TMTC1: variants seen among roughly 807,000 people sequenced by gnomAD.
The protein encoded by TMTC1 is protein O-mannosyl-transferase TMTC1.
TMTC1 carries 73 observed loss-of-function variants against 104.8 expected under a neutral mutation model. The observed-to-expected ratio is 0.70, with a 90% CI of 0.58 to 0.85. The LOEUF (loss-of-function observed/expected upper bound fraction) is 0.85, where lower values mean the gene tolerates loss of function less well. Ranked by LOEUF, TMTC1 falls within the 40% of genes least tolerant of loss-of-function variation. TMTC1 has a pLI of 0.00. For synonymous variants in TMTC1, 434 were observed against 428.7 expected, an observed-to-expected ratio of 1.01 and a Z score of -0.15; for missense variants, 1,035 against 1,096.1, an observed-to-expected ratio of 0.94 and a Z score of 0.79.
rs112726721 is a variant in TMTC1 at position 29,574,589 on chromosome 12, C to T, written c.1419-2371G>A. On this transcript the variant is annotated intron_variant, in intron 8 of 17. Transcript: ENST00000539277. Reference sequence around the variant, plus strand: ...TTCAAGATCAAAGTTATGGCTGATTCGGTTTCTGATGAGGGTTCTCTTCCT... The same window carrying T: ...TTCAAGATCAAAGTTATGGCTGATTTGGTTTCTGATGAGGGTTCTCTTCCT... 4.4e-3 allele frequency among the ~76,000 whole-genome samples: 671 copies of T among 152,238 alleles called. 6 individuals carry two copies. The highest frequency in any genetic ancestry group is 0.015 in the African/African-American group (638 of 41,540).
intron 1 of TMTC1, among the ~76,000 whole-genome samples, chr12:29,768,446 G>A: frequency 6.6e-6 from 1 of 152,154 alleles, no homozygotes; most frequent in East Asian, 1.9e-4. Context: ...TGTTGAAAGG[G>A]AAGTCCAAAG....
chr12:29,692,159 T>C (rs1474416799), intron 5 of TMTC1, among the ~76,000 whole-genome samples: 1 of 145,644 alleles, frequency 6.9e-6, no homozygotes, highest in Non-Finnish European at 1.5e-5. Context: ...AAGAATATGC[T>C]TTGGCTTTCC....
intron 3 of TMTC1, among the ~76,000 whole-genome samples, chr12:29,758,259 T>G (rs1399749637): frequency 6.6e-6 from 1 of 152,164 alleles, no homozygotes; most frequent in Non-Finnish European, 1.5e-5. Context: ...AAATGCTACT[T>G]TATACTCAGC....
At position 29,610,434 on chromosome 12, in the gene TMTC1, T is replaced by C. The variant is rs113263574; in HGVS notation, c.1129-6135A>G. Reference sequence around the variant, plus strand: ...AATGGGGTTGAAACCAATTTCTCAATAGCTGGAGAAGAGGAAGTTTTGAAC... The same window carrying C: ...AATGGGGTTGAAACCAATTTCTCAACAGCTGGAGAAGAGGAAGTTTTGAAC... On this transcript the variant is annotated intron_variant, in intron 6 of 17. Transcript: ENST00000539277. Among the ~76,000 whole-genome samples the C allele has an allele frequency of 4.8e-3, 729 of 152,312 alleles. 6 individuals carry two copies. The highest frequency in any genetic ancestry group is 0.017 in the African/African-American group (691 of 41,578).
intron 8 of TMTC1, among the ~76,000 whole-genome samples, chr12:29,576,890 C>T (rs159688): frequency 0.79 from 119,439 of 152,020 alleles, 48,818 homozygotes; most frequent in East Asian, 0.92. Flanking sequence ...TATCAAAACA[C>T]GTTGTACACC....
intron 9 of TMTC1, among the ~76,000 whole-genome samples, chr12:29,560,470 T>C (rs573130594): frequency 9.7e-4 from 147 of 152,174 alleles, no homozygotes; most frequent in Middle Eastern, 3.4e-3. Context: ...AAAAAAGAAA[T>C]GTATGGGGCC....
intron 16 of TMTC1, among the ~76,000 whole-genome samples, chr12:29,513,126 A>G (rs545579704): frequency 1.3e-5 from 2 of 152,256 alleles, no homozygotes; most frequent in Admixed American, 6.5e-5. Context: ...CTGGATTCAA[A>G]CCCTGACACC....
intron 1 of TMTC1, among the ~76,000 whole-genome samples, chr12:29,772,640 G>A (rs537235634): frequency 1.8e-4 from 28 of 152,104 alleles, no homozygotes; most frequent in Non-Finnish European, 3.8e-4. Context: ...CTCAAAGTAG[G>A]AGGTAACACT....
intron 5 of TMTC1, among the ~76,000 whole-genome samples, chr12:29,691,356 T>A (rs1941260425): frequency 6.6e-6 from 1 of 152,018 alleles, no homozygotes; most frequent in Non-Finnish European, 1.5e-5. Flanking sequence ...CCAACCCAAC[T>A]AATCAGCACT....
intron 5 of TMTC1, among the ~76,000 whole-genome samples, chr12:29,674,414 GA>G (rs1940643927): frequency 2.2e-5 from 3 of 139,078 alleles, no homozygotes; most frequent in Admixed American, 1.5e-4. Context: ...TTCAAGACCA[GA>G]AAAAAACAAT....
At chr12:29,629,867 T>A (rs930851744) in intron 6 of TMTC1, among the ~76,000 whole-genome samples, 4 of 152,222 alleles carry the variant, frequency 2.6e-5, no homozygotes, top group African/African-American at 9.7e-5. Flanking sequence ...ATCATTCAAA[T>A]TTTTTTCATT....
chr12:29,667,898 C>T (rs2033030), intron 5 of TMTC1, among the ~76,000 whole-genome samples: 39,854 of 152,046 alleles, frequency 0.26, 5,802 homozygotes, highest in African/African-American at 0.36. Flanking sequence ...TTCATACTAG[C>T]CCTGTGAGTC....
intron 7 of TMTC1, among the ~76,000 whole-genome samples, chr12:29,599,339 C>T (rs537710131): frequency 1.3e-5 from 2 of 152,288 alleles, no homozygotes; most frequent in African/African-American, 4.8e-5. Flanking sequence ...GCTTTGTCAC[C>T]AGAAGAAAAG....
intron 5 of TMTC1, among the ~76,000 whole-genome samples, chr12:29,681,616 G>A (rs1261183936): frequency 6.6e-6 from 1 of 152,208 alleles, no homozygotes; most frequent in Admixed American, 6.5e-5. Flanking sequence ...TGACATCATA[G>A]GGCACAGTCA....
intron 6 of TMTC1, chr12:29,613,822 CAA>C (rs1423305671): frequency 5.1e-6 from 2 of 389,420 alleles, no homozygotes; most frequent in South Asian, 1.1e-4. Context: ...ATCCCTCGGG[CAA>C]AGTCTTCCAA....
chr12:29,632,810 A>G (rs1315532252), intron 6 of TMTC1, among the ~76,000 whole-genome samples: 2 of 152,232 alleles, frequency 1.3e-5, no homozygotes, highest in African/African-American at 4.8e-5. Context: ...TCATGAAAGT[A>G]GAGTCTTAAC....
At chr12:29,753,626 T>C (rs1943144019) in intron 4 of TMTC1, among the ~76,000 whole-genome samples, 1 of 152,250 alleles carries the variant, frequency 6.6e-6, no homozygotes, top group Non-Finnish European at 1.5e-5. Flanking sequence ...TGGCCAGGTC[T>C]CCGTGTTACA....
chr12:29,691,682 G>T (rs73271795), intron 5 of TMTC1, among the ~76,000 whole-genome samples: 1,470 of 134,244 alleles, frequency 0.011, 136 homozygotes, highest in African/African-American at 0.04. Flanking sequence ...GACATGATGA[G>T]GAAGTCATAC....
At chr12:29,567,397 T>G (rs1315528443) in intron 9 of TMTC1, among the ~76,000 whole-genome samples, 6 of 152,128 alleles carry the variant, frequency 3.9e-5, no homozygotes, top group South Asian at 2.1e-4. Flanking sequence ...TTAAATTCGT[T>G]TTTTTTTTCT....
Sources: gnomAD v4.1 joint callset for allele counts (sites outside exome capture counted in the v4.1 genomes callset) on GRCh38, gnomAD v4.1.1 for gene constraint, MANE v1.5 for transcripts, NCBI Gene and HGNC (gene_info 2026-07-23, HGNC 2026-07-21) for gene names.